The following CALN1 variants were observed in gnomAD, a reference collection of about 807,000 sequenced individuals.
CALN1 encodes the protein calcium-binding protein 8.
Under a neutral mutation model 30.6 loss-of-function variants are expected in CALN1, and 17 were observed. That is an observed-to-expected ratio of 0.56 (90% CI 0.38 to 0.83). CALN1 has a LOEUF of 0.83. Among genes scored for constraint, CALN1 ranks in the 40% least tolerant of loss-of-function variants. The pLI is 0.00. For missense variants in CALN1, 291 were observed against 354.9 expected, an observed-to-expected ratio of 0.82 and a Z score of 1.45; for synonymous variants, 156 against 131.4, an observed-to-expected ratio of 1.19 and a Z score of -1.28.
chr7:72,214,868 T>C (rs557283), intron 3 of CALN1, among the ~76,000 whole-genome samples: 3,871 of 151,744 alleles, frequency 0.026, 141 homozygotes, highest in African/African-American at 0.086. Flanking sequence ...GGGATCTAGG[T>C]TGCACACTCC....
intron 4 of CALN1, among the ~76,000 whole-genome samples, chr7:72,095,662 C>T (rs2129540176): frequency 6.6e-6 from 1 of 152,258 alleles, no homozygotes; most frequent in Non-Finnish European, 1.5e-5. Context: ...GTTTGCTTTC[C>T]ATTTGTCAAA....
At chr7:72,215,801 G>A (rs754801100) in intron 3 of CALN1, among the ~76,000 whole-genome samples, 3 of 152,134 alleles carry the variant, frequency 2.0e-5, no homozygotes, top group Non-Finnish European at 4.4e-5. Flanking sequence ...GATTCACTCA[G>A]TGTTGAGCCA....
intron 3 of CALN1, among the ~76,000 whole-genome samples, chr7:72,192,950 T>A (rs1321874452): frequency 2.0e-5 from 3 of 151,874 alleles, no homozygotes; most frequent in Non-Finnish European, 4.4e-5. Flanking sequence ...CACTCTGGGA[T>A]GCTGAAACAG....
At chr7:72,258,236 G>A (rs964520477) in intron 3 of CALN1, among the ~76,000 whole-genome samples, 2 of 152,182 alleles carry the variant, frequency 1.3e-5, no homozygotes, top group Non-Finnish European at 1.5e-5. Context: ...AAGAAGTCAA[G>A]CTCCTTATCC....
chr7:72,409,912 A>G (rs897532727), intron 1 of CALN1, among the ~76,000 whole-genome samples: 2 of 152,146 alleles, frequency 1.3e-5, no homozygotes, highest in Admixed American at 6.6e-5. Context: ...GCCACATTAT[A>G]ATCAGTTTTT....
intron 2 of CALN1, among the ~76,000 whole-genome samples, chr7:72,394,694 C>T (rs568738263): frequency 1.8e-4 from 27 of 145,978 alleles, no homozygotes; most frequent in African/African-American, 6.6e-4. Flanking sequence ...CACAGTCTCA[C>T]TATGTTGCCC....
intron 4 of CALN1, among the ~76,000 whole-genome samples, chr7:72,091,684 T>C (rs1439842299): frequency 6.6e-6 from 1 of 152,118 alleles, no homozygotes; most frequent in Non-Finnish European, 1.5e-5. Flanking sequence ...AGCCAGTCCA[T>C]CAGTAGGCAG....
intron 3 of CALN1, among the ~76,000 whole-genome samples, chr7:72,121,451 GTATAGATATATATAA>G (rs1808387331): frequency 6.9e-6 from 1 of 145,976 alleles, no homozygotes; most frequent in Non-Finnish European, 1.5e-5. Context: ...ATTATATATA[GTATAGATATATATAA>G]TATAGATATA....
chr7:72,389,506 T>C (rs1391641440), intron 2 of CALN1, among the ~76,000 whole-genome samples: 1 of 152,230 alleles, frequency 6.6e-6, no homozygotes, highest in Non-Finnish European at 1.5e-5. Context: ...GCTTTAATTT[T>C]GCAAGCTTTC....
intron 4 of CALN1, among the ~76,000 whole-genome samples, chr7:72,047,893 G>A (rs997211854): frequency 1.3e-5 from 2 of 152,134 alleles, no homozygotes; most frequent in African/African-American, 4.8e-5. Flanking sequence ...GGAAAGTGCT[G>A]CAGAAGGAAA....
chr7:72,060,804 C>A (rs905499600), intron 4 of CALN1, among the ~76,000 whole-genome samples: 1 of 152,184 alleles, frequency 6.6e-6, no homozygotes. Flanking sequence ...AGCTCTACTT[C>A]CCTTCTGCCA....
At chr7:71,826,983 T>C (rs1788951413) in intron 5 of CALN1, among the ~76,000 whole-genome samples, 1 of 152,136 alleles carries the variant, frequency 6.6e-6, no homozygotes, top group Non-Finnish European at 1.5e-5. Context: ...AGGGCTCAGA[T>C]GAAGAAATTG....
chr7:72,153,630 C>A (rs1198716097), intron 3 of CALN1, among the ~76,000 whole-genome samples: 1 of 151,834 alleles, frequency 6.6e-6, no homozygotes, highest in Non-Finnish European at 1.5e-5. Context: ...TGCAGTGAGC[C>A]ATGATTCGTC....
At position 71,956,523 on chromosome 7, in the gene CALN1, C is replaced by T. The variant is rs145193443; in HGVS notation, c.501+67134G>A. ...TTTTTTTTAAACAGAGGGAGGGTGT[C>T]GTTATGTTGCCCAGGCTGATCTCAA... On this transcript the variant is annotated intron_variant, in intron 5 of 6. Coordinates refer to ENST00000395275, the MANE Select transcript of CALN1 (RefSeq NM_031468.4). Among the ~76,000 whole-genome samples, 1,004 of 143,738 alleles carry T rather than the reference C, an allele frequency of 7.0e-3. 8 individuals carry two copies. Among genetic ancestry groups the T allele is most frequent in the African/African-American group, 0.023 (902 of 38,512 alleles). 94.3% of individuals were successfully genotyped at this position (143,738 alleles called of 152,430 possible).
At chr7:72,158,651 C>A (rs1787890811) in intron 3 of CALN1, among the ~76,000 whole-genome samples, 1 of 152,154 alleles carries the variant, frequency 6.6e-6, no homozygotes, top group Admixed American at 6.6e-5. Flanking sequence ...CAGCAAGACA[C>A]ATCCCTCTTC....
At chr7:72,224,747 C>G (rs925551487) in intron 3 of CALN1, among the ~76,000 whole-genome samples, 8 of 150,638 alleles carry the variant, frequency 5.3e-5, no homozygotes, top group Non-Finnish European at 4.4e-5. Context: ...CGCCACTGCA[C>G]TCCAGCCTAG....
At chr7:72,405,440 G>C (rs754085522) in intron 1 of CALN1, among the ~76,000 whole-genome samples, 1 of 152,094 alleles carries the variant, frequency 6.6e-6, no homozygotes, top group Non-Finnish European at 1.5e-5. Context: ...GGGCAAACAG[G>C]CATGTCTTCA....
intron 4 of CALN1, 42 bp downstream of exon 4, chr7:72,106,109 C>T (rs760935940): frequency 5.0e-6 from 8 of 1,602,110 alleles, no homozygotes; most frequent in East Asian, 2.2e-5. Flanking sequence ...CTGATGAGAC[C>T]GGGGCATGTC....
intron 5 of CALN1, among the ~76,000 whole-genome samples, chr7:71,875,762 C>T (rs1482884910): frequency 2.0e-5 from 3 of 146,904 alleles, no homozygotes; most frequent in Admixed American, 6.7e-5. Flanking sequence ...ATACTACACA[C>T]TAGACAGACT....
Sources: gnomAD v4.1 joint callset for allele counts (sites outside exome capture counted in the v4.1 genomes callset) on GRCh38, gnomAD v4.1.1 for gene constraint, MANE v1.5 for transcripts, NCBI Gene and HGNC (gene_info 2026-07-23, HGNC 2026-07-21) for gene names.